Variants in ADCY2 observed in about 807,000 individuals in gnomAD.
The protein encoded by ADCY2 is adenylate cyclase 2.
A neutral mutation model predicts 125.2 loss-of-function variants in ADCY2; 31 were observed. The ratio of observed to expected loss-of-function variants is 0.25; its 90% CI spans 0.19 to 0.33. ADCY2 has a LOEUF of 0.33. Among genes scored for constraint, ADCY2 ranks in the 10% least tolerant of loss-of-function variants. ADCY2 has a pLI of 1.00. For missense variants in ADCY2, 904 were observed against 1,418.2 expected, an observed-to-expected ratio of 0.64 and a Z score of 5.82; for synonymous variants, 512 against 548.4, an observed-to-expected ratio of 0.93 and a Z score of 0.93.
chr5:7,482,546 C>T (rs1026777719), intron 2 of ADCY2, among the ~76,000 whole-genome samples: 5 of 151,932 alleles, frequency 3.3e-5, no homozygotes, highest in African/African-American at 1.2e-4. Flanking sequence ...TGTAAATTAG[C>T]ACACTCATTA....
At chr5:7,443,934 A>G (rs1741120833) in intron 2 of ADCY2, among the ~76,000 whole-genome samples, 1 of 151,994 alleles carries the variant, frequency 6.6e-6, no homozygotes, top group South Asian at 2.1e-4. Flanking sequence ...TTCATCTGTA[A>G]AACTTAGATT....
intron 2 of ADCY2, among the ~76,000 whole-genome samples, chr5:7,449,438 C>T (rs912066519): frequency 6.6e-6 from 1 of 152,130 alleles, no homozygotes; most frequent in African/African-American, 2.4e-5. Flanking sequence ...TCTGCCTTAC[C>T]TTTTCCTATG....
intron 2 of ADCY2, among the ~76,000 whole-genome samples, chr5:7,495,400 G>A (rs1364719000): frequency 2.3e-4 from 35 of 152,082 alleles, no homozygotes; most frequent in Non-Finnish European, 1.0e-4. Flanking sequence ...TCTTAAGATA[G>A]GATAAATTAA....
At chr5:7,446,181 T>C (rs1741242736) in intron 2 of ADCY2, among the ~76,000 whole-genome samples, 1 of 152,228 alleles carries the variant, frequency 6.6e-6, no homozygotes, top group African/African-American at 2.4e-5. Context: ...TTTTACTGGA[T>C]GTTTTTATAA....
intron 4 of ADCY2, among the ~76,000 whole-genome samples, chr5:7,660,361 G>C (rs1739485985): frequency 1.3e-5 from 2 of 152,156 alleles, no homozygotes; most frequent in Admixed American, 1.3e-4. Flanking sequence ...CTTCTCTGAA[G>C]AATGAGAGAG....
At chr5:7,653,286 A>G (rs1222083386) in intron 4 of ADCY2, among the ~76,000 whole-genome samples, 2 of 152,034 alleles carry the variant, frequency 1.3e-5, no homozygotes, top group Admixed American at 6.6e-5. Flanking sequence ...CGTGGGTTTC[A>G]CTCTTGTGAG....
chr5:7,702,550 A>C (rs1741123011), intron 7 of ADCY2, among the ~76,000 whole-genome samples: 1 of 152,106 alleles, frequency 6.6e-6, no homozygotes, highest in Admixed American at 6.5e-5. Context: ...CCTACAAAGG[A>C]CATGAACTCA....
chr5:7,397,616 G>C (rs549000029), intron 1 of ADCY2, among the ~76,000 whole-genome samples: 9 of 151,988 alleles, frequency 5.9e-5, no homozygotes, highest in African/African-American at 2.2e-4. Flanking sequence ...AGCTGTCCTT[G>C]GTATTTGGCA....
intron 8 of ADCY2, 115 bp downstream of exon 8, chr5:7,707,017 T>C: frequency 7.3e-7 from 1 of 1,377,202 alleles, no homozygotes; most frequent in South Asian, 1.4e-5. Context: ...CCTCTGTTGG[T>C]ATCATGTTAC....
rs769193004 is a variant in ADCY2, at chr5:7,396,343, C to T, written c.47C>T (p.Ser16Phe). The change falls in exon 1 of 25, where the codon TCC becomes TTC. Residue 16 changes from serine to phenylalanine, a missense_variant. By Grantham distance (155) the Ser-to-Phe change is radical. Coordinates refer to ENST00000338316, the MANE Select transcript of ADCY2 (RefSeq NM_020546.3). The surrounding 1 kb of genome is among the most constrained non-coding windows in gnomAD (Gnocchi z 5.7). ...MRRRRYLRDR[S>F]EEAAGGGDGL... ...CGCCGCCGCTACCTGCGGGACCGCT[C>T]CGAGGAGGCGGCGGGCGGCGGAGAC... 1 of 1,538,128 alleles carries T rather than the reference C, an allele frequency of 6.5e-7. No individual in the cohort carries two copies.
intron 14 of ADCY2, among the ~76,000 whole-genome samples, chr5:7,743,282 A>G (rs753044991): frequency 1.3e-5 from 2 of 151,950 alleles, no homozygotes; most frequent in Non-Finnish European, 2.9e-5. Flanking sequence ...CCAGGCTATC[A>G]AGGTGAGGCT....
At chr5:7,603,058 T>C (rs1490092146) in intron 3 of ADCY2, among the ~76,000 whole-genome samples, 1 of 152,166 alleles carries the variant, frequency 6.6e-6, no homozygotes, top group Non-Finnish European at 1.5e-5. Context: ...CCATTTCATC[T>C]ACATTCAAGG....
intron 20 of ADCY2, chr5:7,799,715 A>G (rs1460936715): frequency 1.3e-5 from 2 of 152,312 alleles, no homozygotes; most frequent in Non-Finnish European, 1.5e-5. Context: ...GCTGAACAGC[A>G]GAATAACCCA....
intron 2 of ADCY2, among the ~76,000 whole-genome samples, chr5:7,468,288 T>C (rs1341209275): frequency 6.6e-6 from 1 of 151,910 alleles, no homozygotes; most frequent in African/African-American, 2.4e-5. Flanking sequence ...TTACAGAAAA[T>C]GAGGTGTAAA....
chr5:7,405,681 G>A lies in ADCY2; in HGVS notation c.211-8892G>A, dbSNP rs1045444845. ...TAGATTGGCCAAATGGAGCCATGTGGCTAGAGCCAGACTCAGTGTAGGAGA... is the reference window on the plus strand; with the variant it reads ...TAGATTGGCCAAATGGAGCCATGTGACTAGAGCCAGACTCAGTGTAGGAGA... On this transcript the variant is annotated intron_variant, in intron 1 of 24. Transcript: ENST00000338316. Among the ~76,000 whole-genome samples, 15 of 152,310 alleles carry A rather than the reference G, an allele frequency of 9.8e-5. No individual in the cohort carries two copies. In the East Asian group the frequency reaches 2.3e-3, roughly 23 times the overall value.
At chr5:7,760,358 C>T (rs927517914) in intron 16 of ADCY2, among the ~76,000 whole-genome samples, 1 of 152,180 alleles carries the variant, frequency 6.6e-6, no homozygotes. Context: ...AAGTTGACTC[C>T]GTAGCCAAGG....
chr5:7,735,215 C>T (rs1362459177), intron 14 of ADCY2, among the ~76,000 whole-genome samples: 1 of 152,136 alleles, frequency 6.6e-6, no homozygotes, highest in African/African-American at 2.4e-5. Context: ...TGAGCCACCC[C>T]AAGTCTGAAT....
chr5:7,441,038 A>C (rs1740993806), intron 2 of ADCY2, among the ~76,000 whole-genome samples: 1 of 152,122 alleles, frequency 6.6e-6, no homozygotes, highest in South Asian at 2.1e-4. Context: ...GGAGGATGGG[A>C]GCTCAGCCAG....
chr5:7,399,606 T>G (rs892656915), intron 1 of ADCY2, among the ~76,000 whole-genome samples: 2 of 152,228 alleles, frequency 1.3e-5, no homozygotes, highest in African/African-American at 4.8e-5. Context: ...ATTAAGTAGT[T>G]TTAATCCCAT....
Sources: allele counts gnomAD v4.1 joint callset (sites outside exome capture counted in the v4.1 genomes callset), GRCh38; gene constraint gnomAD v4.1.1; non-coding constraint Gnocchi (gnomAD v3.1); transcripts MANE v1.5; gene names NCBI Gene and HGNC (gene_info 2026-07-23, HGNC 2026-07-21).